The following TTC3 variants were observed in gnomAD, a reference collection of about 807,000 sequenced individuals.
TTC3 encodes the protein E3 ubiquitin-protein ligase TTC3.
Under a neutral mutation model 249.6 loss-of-function variants are expected in TTC3, and 180 were observed. That is an observed-to-expected ratio of 0.72 (90% CI 0.64 to 0.82). TTC3 has a LOEUF of 0.82. TTC3 is among the 40% of genes least tolerant of loss of function. The pLI is 0.00. For missense variants in TTC3, 2,061 were observed against 2,398.4 expected, an observed-to-expected ratio of 0.86 and a Z score of 2.94; for synonymous variants, 717 against 805.0, an observed-to-expected ratio of 0.89 and a Z score of 1.85.
intron 35 of TTC3, among the ~76,000 whole-genome samples, chr21:37,182,259 T>A (rs539805355): frequency 5.7e-4 from 87 of 152,278 alleles, no homozygotes; most frequent in Non-Finnish European, 9.7e-4. Context: ...GGGTTAGGTG[T>A]CAAGTGGTGC....
intron 1 of TTC3, chr21:37,083,191 G>A: frequency 1.0e-6 from 1 of 985,428 alleles, no homozygotes; most frequent in South Asian, 4.7e-5. Flanking sequence ...TAGACATTAG[G>A]TGGTTGCAGA....
At chr21:37,188,495 G>T (rs1266943138) in exon 39 of TTC3, 1 of 1,612,232 alleles carries the variant, frequency 6.2e-7, no homozygotes, top group African/African-American at 1.3e-5. Context: ...CTACTGGCAG[G>T]TATCCGTACT....
intron 26 of TTC3, 99 bp from the exon 27 acceptor site, chr21:37,152,852 C>T (rs2079613671): frequency 1.0e-6 from 1 of 993,898 alleles, no homozygotes; most frequent in Non-Finnish European, 1.4e-6. Flanking sequence ...TATAATCAAT[C>T]TGAATCATAT....
chr21:37,190,967 T>C (rs987313643), intron 39 of TTC3, among the ~76,000 whole-genome samples: 1 of 152,232 alleles, frequency 6.6e-6, no homozygotes, highest in Non-Finnish European at 1.5e-5. Flanking sequence ...GATTGGAATC[T>C]TTTGAATGTT....
At position 37,096,725 on chromosome 21, in the gene TTC3, A is replaced by G. The variant is rs2073981796; in HGVS notation, c.845+82A>G. On this transcript the variant is annotated intron_variant, in intron 10 of 45. Transcript: ENST00000355666. ...GGAAACGTTTCTGTTTTTCAGGTATACAAGAAAATCCTTGACTGGTTCTTT... is the reference window on the plus strand; with the variant it reads ...GGAAACGTTTCTGTTTTTCAGGTATGCAAGAAAATCCTTGACTGGTTCTTT... 10 of 1,055,626 alleles carry G rather than the reference A, an allele frequency of 9.5e-6. No individual in the cohort carries two copies. The South Asian group carries it at 1.3e-4, about 13-fold the overall frequency. 65.4% of individuals were successfully genotyped at this position (1,055,626 alleles called of 1,614,324 possible).
intron 10 of TTC3, chr21:37,096,890 C>G: frequency 3.0e-6 from 1 of 336,156 alleles, no homozygotes; most frequent in East Asian, 5.0e-5. Context: ...ATTTGGTTCT[C>G]ACAGCACCCG....
At chr21:37,154,690 T>G (rs142045331) in intron 27 of TTC3, among the ~76,000 whole-genome samples, 122 of 152,194 alleles carry the variant, frequency 8.0e-4, no homozygotes, top group South Asian at 6.7e-3. Context: ...CATGTGTTTT[T>G]TTTGTTTGTT....
exon 33 of TTC3, chr21:37,166,485 C>T (rs1240367745): frequency 6.2e-7 from 1 of 1,614,188 alleles, no homozygotes; most frequent in Non-Finnish European, 8.5e-7. Flanking sequence ...ACAGGTGATG[C>T]TCATACAGTC....
exon 41 of TTC3, chr21:37,192,148 G>C (rs547786091): frequency 6.2e-7 from 1 of 1,607,206 alleles, no homozygotes; most frequent in South Asian, 1.1e-5. Context: ...AATTAAAAAT[G>C]GTTCTCGGCT....
rs991658740 is a variant in TTC3 at position 37,108,439 on chromosome 21, G to A, written c.893G>A (p.Trp298Ter). The stretch of plus-strand genomic sequence containing the variant: ...AGAGCCACTATTCTGAAGAACACTT[G>A]GCCAAAGGTAGGTTTCTTCTGTATT... The change falls in exon 11 of 46, where the codon TGG becomes TAG. Residue 298 changes from tryptophan (W) to a stop codon, truncating the protein, a stop_gained. Coordinates refer to ENST00000355666, the Ensembl canonical transcript of TTC3. LOFTEE classifies it high-confidence loss of function. 1 of 1,612,004 alleles carries A rather than the reference G, an allele frequency of 6.2e-7. No homozygotes were observed. The highest frequency in any genetic ancestry group is 1.3e-5 in the African/African-American group (1 of 74,778).
exon 46 of TTC3, chr21:37,201,791 A>G (rs2835665): frequency 0.12 from 78,927 of 638,460 alleles, 5,677 homozygotes; most frequent in Admixed American, 0.17. Context: ...AATGACGGCT[A>G]CCACACTCAT....
exon 46 of TTC3, chr21:37,201,514 A>T: frequency 1.2e-6 from 2 of 1,613,972 alleles, no homozygotes; most frequent in Non-Finnish European, 1.7e-6. Context: ...CAGAAGAGTC[A>T]CCTTCTGGAA....
In TTC3 at chr21:37,122,876, A is replaced by C. The variant is rs1253413028; in HGVS notation, c.1064-107A>C. 24 of 1,063,900 alleles carry C rather than the reference A, an allele frequency of 2.3e-5. No homozygotes were observed. In the East Asian group the frequency reaches 5.9e-4, roughly 26 times the overall value. 65.9% of individuals were successfully genotyped at this position (1,063,900 alleles called of 1,614,324 possible). ...GCTTAGATTTACTTTTCAGTTTTCT[A>C]AATTTGAGGTCCTTACTATCAGCTT... On this transcript the variant is annotated intron_variant, in intron 12 of 45. Coordinates refer to ENST00000355666, the Ensembl canonical transcript of TTC3.
exon 10 of TTC3, chr21:37,096,583 C>T (rs369083706): frequency 3.1e-6 from 5 of 1,609,820 alleles, no homozygotes; most frequent in African/African-American, 1.3e-5. Flanking sequence ...TTTTTAAGAC[C>T]TGAAAACTAC....
intron 34 of TTC3, among the ~76,000 whole-genome samples, chr21:37,171,553 G>C (rs2081791153): frequency 6.6e-6 from 1 of 152,204 alleles, no homozygotes; most frequent in African/African-American, 2.4e-5. Context: ...ATTCACGACA[G>C]CAAGTTACTA....
At chr21:37,085,460 A>G (rs1260155258) in intron 1 of TTC3, among the ~76,000 whole-genome samples, 1 of 152,230 alleles carries the variant, frequency 6.6e-6, no homozygotes, top group Non-Finnish European at 1.5e-5. Context: ...AATTGTTAGG[A>G]AACTGACAGT....
At chr21:37,119,275 T>C (rs1351876573) in intron 11 of TTC3, among the ~76,000 whole-genome samples, 1 of 152,210 alleles carries the variant, frequency 6.6e-6, no homozygotes, top group Non-Finnish European at 1.5e-5. Context: ...TCCCCACTAC[T>C]GAAGCAAAAC....
At chr21:37,183,494 A>G (rs1190858607) in intron 36 of TTC3, among the ~76,000 whole-genome samples, 15 of 152,168 alleles carry the variant, frequency 9.9e-5, no homozygotes, top group Admixed American at 9.8e-4. Context: ...CCACTGTGTA[A>G]GAAAACACCC....
chr21:37,165,579 G>C, exon 33 of TTC3: 1 of 1,605,156 alleles, frequency 6.2e-7, no homozygotes, highest in Non-Finnish European at 8.5e-7. Context: ...GAGGAACATG[G>C]TCCCTTGGAC....
Sources: gnomAD v4.1 joint callset for allele counts (sites outside exome capture counted in the v4.1 genomes callset) on GRCh38, gnomAD v4.1.1 for gene constraint, MANE v1.5 for transcripts, NCBI Gene and HGNC (gene_info 2026-07-23, HGNC 2026-07-21) for gene names.